The following CNTNAP3 variants were observed in gnomAD, a reference collection of about 807,000 sequenced individuals.
CNTNAP3 encodes contactin associated protein family member 3.
In CNTNAP3, 36 loss-of-function variants were observed where a neutral mutation model predicts 92.1. The ratio of observed to expected loss-of-function variants is 0.39; its 90% CI spans 0.30 to 0.52. CNTNAP3 has a LOEUF of 0.52. Among genes scored for constraint, CNTNAP3 ranks in the 20% least tolerant of loss-of-function variants. The pLI is 0.76. For synonymous variants in CNTNAP3, 232 were observed against 422.3 expected (o/e 0.55, Z 5.53); for missense variants, 534 against 1,069.6 (o/e 0.50, Z 6.98).
rs1825668943 is a variant in CNTNAP3 at position 39,073,243 on chromosome 9, G to C, written c.*647C>G. The C allele has an allele frequency of 1.3e-5, 2 of 159,566 alleles. No homozygotes were observed. Among genetic ancestry groups the C allele is most frequent in the Non-Finnish European group, 2.8e-5 (2 of 71,650 alleles). The allele number at this position is 159,566 out of a possible 1,614,324, so 9.9% of individuals were successfully genotyped here. On this transcript the variant is annotated 3_prime_UTR_variant, in exon 24 of 24. Coordinates refer to ENST00000297668, the MANE Select transcript of CNTNAP3 (RefSeq NM_033655.5). ...AAAAAGCAATACACCAAAAATAATG[G>C]TAGTGTTTCCAGGCTTCAACTGTGT...
At chr9:39,080,790 T>C (rs1404996611) in intron 21 of CNTNAP3, among the ~76,000 whole-genome samples, 2 of 136,722 alleles carry the variant, frequency 1.5e-5, no homozygotes, top group Non-Finnish European at 3.2e-5. Flanking sequence ...GCCTCCCAAG[T>C]AGTTGGGACT....
intron 11 of CNTNAP3, 42 bp downstream of exon 11, chr9:39,144,198 A>G (rs145922462): frequency 0.051 from 78,357 of 1,526,270 alleles, 2,340 homozygotes; most frequent in Non-Finnish European, 0.06. Flanking sequence ...ATGAAATGAC[A>G]AAGAGATGCT....
At chr9:39,144,063 C>T (rs558374372) in intron 11 of CNTNAP3, among the ~76,000 whole-genome samples, 177 bp downstream of exon 11, 6 of 152,312 alleles carry the variant, frequency 3.9e-5, no homozygotes, top group African/African-American at 1.4e-4. Context: ...TTTCTGTGCA[C>T]TGTCTCAACA....
chr9:39,076,047 C>G (rs1246419771), intron 23 of CNTNAP3, among the ~76,000 whole-genome samples: 1 of 152,302 alleles, frequency 6.6e-6, no homozygotes, highest in Non-Finnish European at 1.5e-5. Context: ...CAGGGGAAGC[C>G]TTCCACAGAC....
chr9:39,132,170 G>C (rs1320092509), intron 13 of CNTNAP3, among the ~76,000 whole-genome samples: 1 of 152,054 alleles, frequency 6.6e-6, no homozygotes, highest in Non-Finnish European at 1.5e-5. Context: ...ACTAAAAAAA[G>C]AAAGGCAAAT....
chr9:39,129,360 A>T (rs1197782537), intron 13 of CNTNAP3, among the ~76,000 whole-genome samples: 1 of 152,186 alleles, frequency 6.6e-6, no homozygotes, highest in Non-Finnish European at 1.5e-5. Flanking sequence ...ACAATATTTA[A>T]AATGCAATTC....
chr9:39,106,258 A>C (rs1412146333), intron 15 of CNTNAP3, among the ~76,000 whole-genome samples: 2 of 152,160 alleles, frequency 1.3e-5, no homozygotes, highest in Non-Finnish European at 2.9e-5. Flanking sequence ...ACAGAAGAGA[A>C]TATTTTATTT....
At chr9:39,124,750 T>C (rs1272527036) in intron 13 of CNTNAP3, among the ~76,000 whole-genome samples, 1 of 151,522 alleles carries the variant, frequency 6.6e-6, no homozygotes, top group African/African-American at 2.4e-5. Flanking sequence ...AACAGACACA[T>C]GAAAAAATGC....
intron 21 of CNTNAP3, among the ~76,000 whole-genome samples, chr9:39,080,875 C>A (rs2118394544): frequency 7.2e-6 from 1 of 138,504 alleles, no homozygotes; most frequent in South Asian, 2.3e-4. Flanking sequence ...CCATTTTGGC[C>A]AGGACGGTCT....
At chr9:39,098,206 C>T (rs1435830402) in intron 18 of CNTNAP3, among the ~76,000 whole-genome samples, 4 of 145,528 alleles carry the variant, frequency 2.7e-5, no homozygotes, top group Non-Finnish European at 4.6e-5. Flanking sequence ...AGTTGAAGGG[C>T]TTTCAGATTC....
At chr9:39,116,858 A>G (rs1401140475) in intron 14 of CNTNAP3, among the ~76,000 whole-genome samples, 1 of 152,308 alleles carries the variant, frequency 6.6e-6, no homozygotes, top group South Asian at 2.1e-4. Context: ...TATGCCAGAT[A>G]AATAAGTGGA....
chr9:39,072,409 T>C lies in CNTNAP3; in HGVS notation c.*1481A>G, dbSNP rs1456852751. On this transcript the variant is annotated 3_prime_UTR_variant, in exon 24 of 24. Transcript: ENST00000297668. ...TCATTGCTTTTATGTAATTGGTTTA[T>C]TGAATCCAAATGGTGGTTCCATGCA... Among the ~76,000 whole-genome samples the C allele has an allele frequency of 1.3e-5, 2 of 148,358 alleles. No individual in the cohort carries two copies. The highest frequency in any genetic ancestry group is 5.1e-5 in the African/African-American group (2 of 39,480).
At chr9:39,112,848 T>C (rs372658149) in intron 14 of CNTNAP3, among the ~76,000 whole-genome samples, 1,843 of 152,290 alleles carry the variant, frequency 0.012, 45 homozygotes, top group South Asian at 0.084. Context: ...AGAACTAGTT[T>C]CTTCACTTTA....
At chr9:39,083,172 C>G (rs921029500) in intron 21 of CNTNAP3, among the ~76,000 whole-genome samples, 4 of 152,016 alleles carry the variant, frequency 2.6e-5, no homozygotes, top group African/African-American at 9.7e-5. Context: ...ATCTAGAGCT[C>G]TATTTGAAAT....
At chr9:39,093,901 G>A (rs959483767) in intron 18 of CNTNAP3, among the ~76,000 whole-genome samples, 2 of 150,984 alleles carry the variant, frequency 1.3e-5, no homozygotes, top group Non-Finnish European at 3.0e-5. Flanking sequence ...TGGGTTCGAA[G>A]GTAATTCTAT....
In CNTNAP3 at chr9:39,119,885, T is replaced by G. The variant is rs556393039; in HGVS notation, c.2081-1626A>C. 5.3e-5 allele frequency among the ~76,000 whole-genome samples: 8 copies of G among 152,190 alleles called. 1 individual carries two copies. Among genetic ancestry groups the G allele is most frequent in the Admixed American group, 1.3e-4 (2 of 15,286 alleles). On this transcript the variant is annotated intron_variant, in intron 13 of 23. Coordinates refer to ENST00000297668, the MANE Select transcript of CNTNAP3 (RefSeq NM_033655.5). Reference sequence around the variant, plus strand: ...GTGAAAAGACAGAGGACAGAATCACTGAACTTGAGGACCCATCAATAGGCT... The same window carrying G: ...GTGAAAAGACAGAGGACAGAATCACGGAACTTGAGGACCCATCAATAGGCT...
At chr9:39,222,755 CT>C (rs1822681946) in intron 3 of CNTNAP3, among the ~76,000 whole-genome samples, 1 of 1,148 alleles carries the variant, frequency 8.7e-4, no homozygotes, top group African/African-American at 8.9e-4. Flanking sequence ...CTTTTTACTA[CT>C]GATTCAATTT....
At chr9:39,102,376 T>A (rs1420783425) in intron 17 of CNTNAP3, 121 bp downstream of exon 17, 1 of 1,515,686 alleles carries the variant, frequency 6.6e-7, no homozygotes, top group East Asian at 2.4e-5. Context: ...TATCAGCAAA[T>A]AGTACCAATA....
chr9:39,140,448 A>T (rs1268820360), intron 12 of CNTNAP3, 71 bp downstream of exon 12: 1 of 1,579,796 alleles, frequency 6.3e-7, no homozygotes, highest in African/African-American at 1.4e-5. Context: ...GCATGTTTTA[A>T]TAATGCTGCC....
Sources: gnomAD v4.1 joint callset for allele counts (sites outside exome capture counted in the v4.1 genomes callset) on GRCh38, gnomAD v4.1.1 for gene constraint, MANE v1.5 for transcripts, NCBI Gene and HGNC (gene_info 2026-07-23, HGNC 2026-07-21) for gene names.